Variants in FGF13 observed in about 807,000 individuals in gnomAD.
FGF13 encodes fibroblast growth factor 13.
FGF13 carries 2 observed loss-of-function variants against 19.5 expected under a neutral mutation model. That is an observed-to-expected ratio of 0.10 (90% confidence interval 0.04 to 0.32). The LOEUF (loss-of-function observed/expected upper bound fraction) is 0.32. Ranked by LOEUF, FGF13 falls within the 10% of genes least tolerant of loss-of-function variation. FGF13 has a pLI of 1.00. For synonymous variants in FGF13, 72 were observed against 76.9 expected (o/e 0.94, Z 0.33); for missense variants, 113 against 192.7 (o/e 0.59, Z 2.45).
At chrX:138,658,429 T>C (rs2089457555) in intron 3 of FGF13, among the ~76,000 whole-genome samples, 1 of 112,571 alleles carries the variant, frequency 8.9e-6, no homozygotes, top group African/African-American at 3.2e-5. Flanking sequence ...AAGCCAATGA[T>C]TCTAATTGGA....
intron 1 of FGF13, among the ~76,000 whole-genome samples, chrX:139,175,012 T>C (rs760605344): frequency 1.3e-4 from 15 of 112,345 alleles, no homozygotes; most frequent in African/African-American, 4.8e-4. Flanking sequence ...ATGATATTGT[T>C]TCTTCCTATC....
At chrX:139,048,937 C>T (rs2092296230) in intron 1 of FGF13, among the ~76,000 whole-genome samples, 1 of 111,237 alleles carries the variant, frequency 9.0e-6, no homozygotes, top group Admixed American at 9.6e-5. Flanking sequence ...ACTTCTAAAA[C>T]AGTGTTGAAT....
chrX:138,778,984 G>A (rs1010027197), intron 3 of FGF13, among the ~76,000 whole-genome samples: 2 of 112,448 alleles, frequency 1.8e-5, no homozygotes, highest in African/African-American at 6.5e-5. Flanking sequence ...CAGGCAGACT[G>A]CCTCCTCAAG....
intron 3 of FGF13, among the ~76,000 whole-genome samples, chrX:138,752,759 A>G (rs1300335668): frequency 4.5e-5 from 5 of 112,011 alleles, no homozygotes; most frequent in Non-Finnish European, 9.4e-5. Context: ...ACTGCCTTGA[A>G]GTACACAAAT....
intron 3 of FGF13, among the ~76,000 whole-genome samples, chrX:138,682,918 T>C (rs1158681639): frequency 8.9e-6 from 1 of 111,781 alleles, no homozygotes; most frequent in Admixed American, 9.5e-5. Context: ...TCAGAGGAAT[T>C]GTTAGCAGAT....
chrX:138,813,058 A>G (rs1569401978), intron 3 of FGF13, among the ~76,000 whole-genome samples: 1 of 112,171 alleles, frequency 8.9e-6, no homozygotes, highest in Non-Finnish European at 1.9e-5. Flanking sequence ...ATAGTATTTC[A>G]TGGTGTATAT....
Position 138,621,530 on chromosome X carries a change from C to CTT in FGF13, c.*11318_*11319dup, listed in dbSNP as rs1283834579. Reference sequence around the variant, plus strand: ...AAAAAAAATCAAATAAACGACCTAACTTTACACCTCAAGGAACTATAAAAG... The same window carrying CTT: ...AAAAAAAATCAAATAAACGACCTAACTTTTTACACCTCAAGGAACTATAAAAG... On this transcript the variant is annotated 3_prime_UTR_variant, in exon 5 of 5. Coordinates refer to ENST00000315930, the MANE Select transcript of FGF13 (RefSeq NM_004114.5). The CTT allele has an allele frequency of 1.8e-5, 2 of 110,608 alleles. No homozygotes were observed. The highest frequency in any genetic ancestry group is 3.8e-5 in the Non-Finnish European group (2 of 52,793). 9.1% of individuals were successfully genotyped at this position (110,608 alleles called of 1,213,427 possible).
intron 1 of FGF13, among the ~76,000 whole-genome samples, chrX:138,918,164 C>A (rs370912954): frequency 5.1e-4 from 52 of 101,213 alleles, no homozygotes; most frequent in Non-Finnish European, 4.6e-4. Context: ...AAACAGAAGA[C>A]AAAAAAAAAA....
At chrX:139,191,755 G>T (rs1404871947) in intron 1 of FGF13, among the ~76,000 whole-genome samples, 1 of 111,135 alleles carries the variant, frequency 9.0e-6, no homozygotes, top group African/African-American at 3.3e-5. Context: ...AAGGAAAAGC[G>T]GAATTACCTT....
At chrX:138,746,046 A>G (rs746127994) in intron 3 of FGF13, among the ~76,000 whole-genome samples, 32 of 111,968 alleles carry the variant, frequency 2.9e-4, no homozygotes, top group African/African-American at 9.7e-4. Context: ...ACCTGAAACT[A>G]AACAGGACAC....
intron 3 of FGF13, among the ~76,000 whole-genome samples, chrX:138,816,782 A>G (rs1487609111): frequency 9.0e-6 from 1 of 111,524 alleles, no homozygotes; most frequent in African/African-American, 3.3e-5. Context: ...AAACCTCATC[A>G]GCTATTGTTA....
chrX:138,741,490 G>C (rs933519579), upstream of FGF13, among the ~76,000 whole-genome samples: 4 of 111,551 alleles, frequency 3.6e-5, no homozygotes, highest in African/African-American at 1.3e-4. Flanking sequence ...CAGCCATGCA[G>C]GGCCTTTGTG....
intron 3 of FGF13, among the ~76,000 whole-genome samples, chrX:138,641,219 A>C (rs1297600904): frequency 8.9e-6 from 1 of 112,635 alleles, no homozygotes; most frequent in African/African-American, 3.2e-5. Context: ...ATGAGTAGGC[A>C]TTTAAAGAAT....
intron 1 of FGF13, among the ~76,000 whole-genome samples, chrX:139,115,212 T>C (rs1041756333): frequency 8.9e-6 from 1 of 111,868 alleles, no homozygotes; most frequent in Admixed American, 9.5e-5. Flanking sequence ...GCAGTCCTAC[T>C]CTTTATATCC....
chrX:138,667,496 C>T (rs2089562911), intron 3 of FGF13, among the ~76,000 whole-genome samples: 1 of 110,859 alleles, frequency 9.0e-6, no homozygotes, highest in African/African-American at 3.3e-5. Flanking sequence ...GAAAGAAAAG[C>T]TCAATTAGAA....
At chrX:139,068,679 T>C (rs1182826832) in intron 1 of FGF13, among the ~76,000 whole-genome samples, 9 of 108,201 alleles carry the variant, frequency 8.3e-5, no homozygotes, top group Non-Finnish European at 1.1e-4. Context: ...TGGTTTGTAG[T>C]TCTCCTTGAA....
chrX:138,727,156 A>AT (rs78885934), intron 1 of FGF13, among the ~76,000 whole-genome samples: 4,581 of 104,372 alleles, frequency 0.044, 214 homozygotes, highest in African/African-American at 0.14. Flanking sequence ...AATAAGATTC[A>AT]TTTTTTTTTT....
chrX:138,866,534 A>G (rs936176871), intron 1 of FGF13, among the ~76,000 whole-genome samples: 2 of 111,714 alleles, frequency 1.8e-5, no homozygotes, highest in African/African-American at 6.5e-5. Flanking sequence ...CAACGGCCTT[A>G]TAATCAACCT....
intron 1 of FGF13, among the ~76,000 whole-genome samples, chrX:138,926,372 T>A (rs2091674397): frequency 1.8e-5 from 2 of 112,352 alleles, no homozygotes; most frequent in South Asian, 7.5e-4. Flanking sequence ...CAGTATGCAA[T>A]CAGCATAACA....
Sources: allele counts gnomAD v4.1 joint callset (sites outside exome capture counted in the v4.1 genomes callset), GRCh38; gene constraint gnomAD v4.1.1; transcripts MANE v1.5; gene names NCBI Gene and HGNC (gene_info 2026-07-23, HGNC 2026-07-21).